LINGO2: variants seen among roughly 807,000 people sequenced by gnomAD.
LINGO2 encodes leucine rich repeat and Ig domain containing 2.
In LINGO2, 14 loss-of-function variants were observed where a neutral mutation model predicts 30.6. The observed-to-expected ratio is 0.46, with a 90% CI of 0.30 to 0.72. The LOEUF is 0.72. Ranked by LOEUF, LINGO2 falls within the 30% of genes least tolerant of loss-of-function variation. LINGO2 has a pLI of 0.07. For synonymous variants in LINGO2, 317 were observed against 288.5 expected (o/e 1.10, Z -1.00); for missense variants, 729 against 751.7 (o/e 0.97, Z 0.35).
intron 4 of LINGO2, among the ~76,000 whole-genome samples, chr9:28,120,910 A>G (rs139477186): frequency 1.3e-5 from 2 of 152,322 alleles, no homozygotes; most frequent in African/African-American, 2.4e-5. Context: ...AAAGTAAGAA[A>G]CAAAACTGCC....
intron 4 of LINGO2, among the ~76,000 whole-genome samples, chr9:28,044,202 G>A (rs1399342424): frequency 6.6e-6 from 1 of 152,168 alleles, no homozygotes; most frequent in Non-Finnish European, 1.5e-5. Context: ...GAACCTGAAT[G>A]TATCATTTGT....
At chr9:28,489,790 C>G (rs1400825344) in intron 1 of LINGO2, among the ~76,000 whole-genome samples, 1 of 150,520 alleles carries the variant, frequency 6.6e-6, no homozygotes, top group African/African-American at 2.4e-5. Flanking sequence ...CTCAGCTACT[C>G]CGGAGGCTGA....
the LINGO2 span, among the ~76,000 whole-genome samples, chr9:28,986,857 T>C: frequency 1.3e-5 from 2 of 152,030 alleles, no homozygotes; most frequent in Non-Finnish European, 1.5e-5. Flanking sequence ...AATGGTTAAA[T>C]AGTTCCCAAT....
rs3064825 is a variant in LINGO2 at position 28,425,329 on chromosome 9, G to GTATA, written c.-279+50607_-279+50610dup. On this transcript the variant is annotated intron_variant, in intron 2 of 5. Transcript: ENST00000379992. ...GTATACACAGTATATATGTGTGTGT[G>GTATA]TATATATATATATATAAACACATAC... Among the ~76,000 whole-genome samples the GTATA allele has an allele frequency of 6.5e-3, 912 of 139,394 alleles. 8 individuals are homozygous for GTATA. The highest frequency in any genetic ancestry group is 0.019 in the African/African-American group (773 of 39,864). 91.4% of individuals were successfully genotyped at this position (139,394 alleles called of 152,430 possible). A position where few individuals can be genotyped will look rare whatever the true frequency, so the allele number is the denominator to read the frequency against.
chr9:28,557,190 A>G (rs1822759440), intron 1 of LINGO2, among the ~76,000 whole-genome samples: 3 of 152,120 alleles, frequency 2.0e-5, no homozygotes, highest in Admixed American at 6.5e-5. Flanking sequence ...AAAAGAAATT[A>G]CCATCAGAGT....
chr9:29,019,961 A>G, the LINGO2 span, among the ~76,000 whole-genome samples: 3 of 152,176 alleles, frequency 2.0e-5, no homozygotes, highest in Non-Finnish European at 4.4e-5. Context: ...AATCCTGGAG[A>G]AAGAATTTGC....
the LINGO2 span, among the ~76,000 whole-genome samples, chr9:28,837,649 A>AATATATATATATATATATATATAT: frequency 4.1e-3 from 314 of 75,700 alleles, 39 homozygotes; most frequent in Non-Finnish European, 5.7e-3. Flanking sequence ...CTCCGTCTAA[A>AATATATATATATATATATATATAT]ATATATATAT....
chr9:28,844,388 A>G, the LINGO2 span, among the ~76,000 whole-genome samples: 1 of 151,700 alleles, frequency 6.6e-6, no homozygotes, highest in Admixed American at 6.6e-5. Context: ...AAAAACGAAA[A>G]AGAAGAAAAG....
intron 1 of LINGO2, among the ~76,000 whole-genome samples, chr9:28,644,854 T>TA (rs1421713870): frequency 2.0e-5 from 3 of 151,394 alleles, no homozygotes; most frequent in Admixed American, 1.3e-4. Flanking sequence ...CAAATTTTTT[T>TA]AAAAAAATTA....
At chr9:28,395,434 C>T (rs550722819) in intron 2 of LINGO2, among the ~76,000 whole-genome samples, 2 of 152,102 alleles carry the variant, frequency 1.3e-5, no homozygotes, top group East Asian at 1.9e-4. Context: ...GTATTCGTTG[C>T]CAAGAAGATG....
At chr9:28,726,142 T>A in the LINGO2 span, among the ~76,000 whole-genome samples, 286 of 152,294 alleles carry the variant, frequency 1.9e-3, no homozygotes, top group Middle Eastern at 3.4e-3. Flanking sequence ...TGCTTATCAG[T>A]CAAATGGTGT....
At chr9:28,174,539 T>C (rs1587139565) in intron 4 of LINGO2, among the ~76,000 whole-genome samples, 1 of 152,286 alleles carries the variant, frequency 6.6e-6, no homozygotes, top group South Asian at 2.1e-4. Context: ...CATAAGCATG[T>C]GCACTTCTAA....
chr9:28,944,428 G>C, the LINGO2 span, among the ~76,000 whole-genome samples: 1 of 151,942 alleles, frequency 6.6e-6, no homozygotes, highest in African/African-American at 2.4e-5. Flanking sequence ...TTTTGGAGAT[G>C]AACTCTCACT....
At chr9:28,338,795 G>A (rs771419494) in intron 3 of LINGO2, among the ~76,000 whole-genome samples, 4 of 151,994 alleles carry the variant, frequency 2.6e-5, no homozygotes, top group Non-Finnish European at 4.4e-5. Flanking sequence ...AGTTTCCTGA[G>A]GCCTCCTCAG....
At chr9:28,347,285 T>C (rs1819620692) in intron 3 of LINGO2, among the ~76,000 whole-genome samples, 1 of 152,190 alleles carries the variant, frequency 6.6e-6, no homozygotes, top group Non-Finnish European at 1.5e-5. Context: ...TTCCTATGAT[T>C]AAGGCCCTTG....
At chr9:28,736,551 G>A in the LINGO2 span, among the ~76,000 whole-genome samples, 1 of 152,130 alleles carries the variant, frequency 6.6e-6, no homozygotes, top group African/African-American at 2.4e-5. Context: ...AGTACTTTGG[G>A]AGGTCGAGGC....
chr9:29,015,528 T>C, the LINGO2 span, among the ~76,000 whole-genome samples: 2 of 152,096 alleles, frequency 1.3e-5, no homozygotes, highest in Non-Finnish European at 2.9e-5. Context: ...TGAATGCAGC[T>C]GTGTTCTAAT....
rs1451116976 is a variant in LINGO2, at chr9:28,329,531, C to T, written c.-245-34165G>A. ...TCATGATAATTGACTCCTGGTACAACATGCATGTTCAGACTTGTTTGAGCC... is the reference window on the plus strand; with the variant it reads ...TCATGATAATTGACTCCTGGTACAATATGCATGTTCAGACTTGTTTGAGCC... On this transcript the variant is annotated intron_variant, in intron 3 of 5. Transcript: ENST00000379992. The surrounding 1 kb of genome is among the most constrained non-coding windows in gnomAD (Gnocchi z 4.5). Among the ~76,000 whole-genome samples, 1 of 152,148 alleles carries T rather than the reference C, an allele frequency of 6.6e-6. No individual in the cohort carries two copies. The highest frequency in any genetic ancestry group is 1.5e-5 in the Non-Finnish European group (1 of 68,034).
In LINGO2 at chr9:28,264,028, T is replaced by C. The variant is rs145880538; in HGVS notation, c.-87+31180A>G. Among the ~76,000 whole-genome samples the C allele has an allele frequency of 1.2e-4, 18 of 151,826 alleles. No homozygotes were observed. The East Asian group carries it at 3.5e-3, about 29-fold the overall frequency. ...CTAATAGTGAGGATAGTTTTCAAGA[T>C]ATACCACGAGCTCTCATTACAGTTC... On this transcript the variant is annotated intron_variant, in intron 4 of 5. Coordinates refer to ENST00000379992, the Ensembl canonical transcript of LINGO2.
Sources: allele counts gnomAD v4.1 joint callset (sites outside exome capture counted in the v4.1 genomes callset), GRCh38; gene constraint gnomAD v4.1.1; non-coding constraint Gnocchi (gnomAD v3.1); transcripts MANE v1.5; gene names NCBI Gene and HGNC (gene_info 2026-07-23, HGNC 2026-07-21).